The following BRK1 variants were observed in gnomAD, a reference collection of about 807,000 sequenced individuals.
BRK1 encodes protein BRICK1.
BRK1 carries 6 observed loss-of-function variants against 9.9 expected under a neutral mutation model. The observed-to-expected ratio is 0.60, with a 90% CI of 0.33 to 1.19. The LOEUF (loss-of-function observed/expected upper bound fraction) is 1.19, where lower values mean the gene tolerates loss of function less well. Ranked by LOEUF, BRK1 falls within the 50% of genes most tolerant of loss-of-function variation. The pLI, the probability that BRK1 is intolerant of heterozygous loss-of-function variation, is 0.04. For missense variants in BRK1, 62 were observed against 97.5 expected (o/e 0.64, Z 1.53); for synonymous variants, 44 against 31.9 (o/e 1.38, Z -1.28).
chr3:10,122,161 G>A (rs924627767), intron 1 of BRK1, among the ~76,000 whole-genome samples: 3 of 151,602 alleles, frequency 2.0e-5, no homozygotes, highest in East Asian at 1.9e-4. Flanking sequence ...GACCTCAGGT[G>A]ATCCGCCCGC....
rs568774205 is a variant in BRK1, at chr3:10,118,212, C to T, written c.118+2393C>T. 1.9e-4 allele frequency among the ~76,000 whole-genome samples: 27 copies of T among 145,194 alleles called. No individual in the cohort carries two copies. In the South Asian group the frequency reaches 4.1e-3, roughly 22 times the overall value. On this transcript the variant is annotated intron_variant, in intron 1 of 2. Coordinates refer to ENST00000530758, the MANE Select transcript of BRK1 (RefSeq NM_018462.5). ...AGGTTGCAGTGAGCAGGGATCGTGC[C>T]ACTGCACTGCAGCTTGGGCAAAAGA...
At position 10,115,828 on chromosome 3, in the gene BRK1, G is replaced by A; in HGVS notation, c.118+9G>A. On this transcript the variant is annotated intron_variant, in intron 1 of 2. Transcript: ENST00000530758. ...CTTTCTCAACTCGTTCGGTCAGCGG[G>A]CCAGCAAGGGGAGGCGGGGAGGAGG... The A allele has an allele frequency of 6.2e-7, 1 of 1,609,664 alleles. No individual in the cohort carries two copies. Among genetic ancestry groups the A allele is most frequent in the Non-Finnish European group, 8.5e-7 (1 of 1,175,928 alleles).
At chr3:10,125,605 A>G in intron 1 of BRK1, 21 bp from the exon 2 acceptor site, 1 of 1,538,120 alleles carries the variant, frequency 6.5e-7, no homozygotes, top group Admixed American at 1.8e-5. Context: ...TTAATCCTGA[A>G]CACCAGTCTC....
intron 1 of BRK1, among the ~76,000 whole-genome samples, chr3:10,116,960 T>A (rs1236757698): frequency 6.6e-6 from 1 of 152,190 alleles, no homozygotes; most frequent in African/African-American, 2.4e-5. Context: ...ACTATAATCG[T>A]GGCTGAGTTC....
intron 1 of BRK1, among the ~76,000 whole-genome samples, chr3:10,124,428 C>T (rs1359616067): frequency 1.3e-5 from 2 of 151,856 alleles, no homozygotes; most frequent in African/African-American, 2.4e-5. Flanking sequence ...TCACTGCACT[C>T]CAGCCTGGAA....
chr3:10,121,697 A>T (rs1695757574), intron 1 of BRK1, among the ~76,000 whole-genome samples: 1 of 152,132 alleles, frequency 6.6e-6, no homozygotes, highest in Non-Finnish European at 1.5e-5. Flanking sequence ...TTGGTTTCGT[A>T]ACATGAATAT....
At chr3:10,125,389 G>A (rs1280052194) in intron 1 of BRK1, among the ~76,000 whole-genome samples, 1 of 152,126 alleles carries the variant, frequency 6.6e-6, no homozygotes, top group Non-Finnish European at 1.5e-5. Context: ...ACAGGCATGA[G>A]CCACCGTGCC....
chr3:10,117,976 A>G (rs1201607881), intron 1 of BRK1, among the ~76,000 whole-genome samples: 1 of 152,016 alleles, frequency 6.6e-6, no homozygotes, highest in African/African-American at 2.4e-5. Flanking sequence ...GTTCTTAAAG[A>G]TTGGCATGGT....
intron 1 of BRK1, among the ~76,000 whole-genome samples, chr3:10,119,083 T>G (rs1161668399): frequency 1.4e-5 from 2 of 148,090 alleles, no homozygotes; most frequent in Admixed American, 1.4e-4. Context: ...CTCGGCTCAC[T>G]GCAAGCTCTG....
intron 1 of BRK1, among the ~76,000 whole-genome samples, chr3:10,118,287 A>T (rs1001295153): frequency 6.6e-6 from 1 of 151,898 alleles, no homozygotes; most frequent in South Asian, 2.1e-4. Context: ...CACTATCACA[A>T]TGCAAGAGTT....
rs112180322 is a variant in BRK1 at position 10,121,975 on chromosome 3, C to T, written c.119-3651C>T. On this transcript the variant is annotated intron_variant, in intron 1 of 2. Coordinates refer to ENST00000530758, the MANE Select transcript of BRK1 (RefSeq NM_018462.5). ...TGCAGTCTTGACTCTCTGCAACCTC[C>T]GCCTCCTGGGTTTAAACCATTCTCC... 0.16 allele frequency among the ~76,000 whole-genome samples: 24,430 copies of T among 150,790 alleles called. 2,517 individuals carry two copies. The highest frequency in any genetic ancestry group is 0.29 in the African/African-American group (11,816 of 40,838).
At chr3:10,123,303 T>C (rs1324230699) in intron 1 of BRK1, among the ~76,000 whole-genome samples, 2 of 152,174 alleles carry the variant, frequency 1.3e-5, no homozygotes, top group Admixed American at 6.6e-5. Flanking sequence ...TATTTGATGC[T>C]CTCCAACTTT....
chr3:10,115,765 A>C lies in BRK1; in HGVS notation c.64A>C (p.Ile22Leu), dbSNP rs2125116443. The C allele has an allele frequency of 6.2e-7, 1 of 1,613,944 alleles. No homozygotes were observed. Among genetic ancestry groups the C allele is most frequent in the Non-Finnish European group, 8.5e-7 (1 of 1,179,860 alleles). The change falls in exon 1 of 3, where the codon ATT (isoleucine) becomes CTT (leucine). Residue 22 changes from isoleucine to leucine, a missense_variant. Physicochemically the swap from Ile to Leu is conservative, Grantham distance 5. Transcript: ENST00000530758. Reference sequence around the variant, plus strand: ...CCAGGACTGGGCTAACCGGGAGTACATTGAGATAATCACCAGCAGCATCAA... The same window carrying C: ...CCAGGACTGGGCTAACCGGGAGTACCTTGAGATAATCACCAGCAGCATCAA... ...IHQDWANREY[I>L]EIITSSIKKI...
Position 10,126,435 on chromosome 3 carries a change from C to A in BRK1, c.*140C>A. 3.9e-6 allele frequency: 3 copies of A among 760,462 alleles called. No individual in the cohort carries two copies. The highest frequency in any genetic ancestry group is 6.3e-6 in the Non-Finnish European group (3 of 476,176). The allele number at this position is 760,462 out of a possible 1,614,324, so 47.1% of individuals were successfully genotyped here. On this transcript the variant is annotated 3_prime_UTR_variant, in exon 3 of 3. Coordinates refer to ENST00000530758, the MANE Select transcript of BRK1 (RefSeq NM_018462.5). The stretch of plus-strand genomic sequence containing the variant: ...TGTTTTTCTTTTTTCAAAAGTGTGG[C>A]CTTTGGGCTCTGCCATCTGGGGTGT...
At chr3:10,126,189 C>T (rs181193811) in intron 2 of BRK1, 80 bp from the exon 3 acceptor site, 3 of 1,010,124 alleles carry the variant, frequency 3.0e-6, no homozygotes, top group Non-Finnish European at 4.2e-6. Context: ...TTCTCACTGC[C>T]TAGGATCTAA....
intron 1 of BRK1, among the ~76,000 whole-genome samples, chr3:10,116,671 G>A (rs1439255047): frequency 1.3e-5 from 2 of 152,178 alleles, no homozygotes; most frequent in African/African-American, 4.8e-5. Context: ...ATAGGGACTA[G>A]TGTACTTTGG....
At chr3:10,124,088 G>C (rs2125118680) in intron 1 of BRK1, among the ~76,000 whole-genome samples, 1 of 145,554 alleles carries the variant, frequency 6.9e-6, no homozygotes, top group Middle Eastern at 3.4e-3. Flanking sequence ...CCCCTCTCTT[G>C]AAAGTCTTAG....
intron 2 of BRK1, among the ~76,000 whole-genome samples, 178 bp downstream of exon 2, chr3:10,125,886 T>A: frequency 6.6e-6 from 1 of 151,810 alleles, no homozygotes; most frequent in African/African-American, 2.4e-5. Flanking sequence ...AGGTCAGGAG[T>A]TCGAGTCCAG....
At position 10,125,249 on chromosome 3, in the gene BRK1, A is replaced by G. The variant is rs575150139; in HGVS notation, c.119-377A>G. ...CTCTTAAGTAGCTGGGATTACAGGC[A>G]TGTGCCATCATGCCTGGCTAATTTT... On this transcript the variant is annotated intron_variant, in intron 1 of 2. Transcript: ENST00000530758. 5.3e-5 allele frequency among the ~76,000 whole-genome samples: 8 copies of G among 152,152 alleles called. 1 individual carries two copies. The highest frequency in any genetic ancestry group is 6.8e-3 in the Middle Eastern group (2 of 294).
Sources: gnomAD v4.1 joint callset for allele counts (sites outside exome capture counted in the v4.1 genomes callset) on GRCh38, gnomAD v4.1.1 for gene constraint, MANE v1.5 for transcripts, NCBI Gene and HGNC (gene_info 2026-07-23, HGNC 2026-07-21) for gene names.